Variants in SMC5 observed in about 807,000 individuals in gnomAD.
SMC5 encodes the protein structural maintenance of chromosomes 5.
In SMC5, 88 loss-of-function variants were observed where a neutral mutation model predicts 148.3. The ratio of observed to expected loss-of-function variants is 0.59; its 90% CI spans 0.50 to 0.71. The LOEUF (loss-of-function observed/expected upper bound fraction) is 0.71. Ranked by LOEUF, SMC5 falls within the 30% of genes least tolerant of loss-of-function variation. The pLI, the probability that SMC5 is intolerant of heterozygous loss-of-function variation, is 0.00. For synonymous variants in SMC5, 421 were observed against 432.8 expected (o/e 0.97, Z 0.34); for missense variants, 1,142 against 1,298.9 (o/e 0.88, Z 1.86).
intron 11 of SMC5, among the ~76,000 whole-genome samples, chr9:70,306,453 A>G (rs2118483116): frequency 6.6e-6 from 1 of 152,352 alleles, no homozygotes; most frequent in South Asian, 2.1e-4. Context: ...GTATAAAATT[A>G]TACAATGGAC....
chr9:70,288,855 TTTA>T (rs1281373578), intron 8 of SMC5, among the ~76,000 whole-genome samples: 1 of 152,094 alleles, frequency 6.6e-6, no homozygotes, highest in Non-Finnish European at 1.5e-5. Context: ...TTTTTTGGCT[TTTA>T]TTGTGTGTTT....
rs2035871285 is a variant in SMC5 at position 70,318,700 on chromosome 9, G to T, written c.1980+13G>T. 1 of 1,574,826 alleles carries T rather than the reference G, an allele frequency of 6.3e-7. No homozygotes were observed. The highest frequency in any genetic ancestry group is 8.6e-7 in the Non-Finnish European group (1 of 1,165,018). On this transcript the variant is annotated intron_variant, in intron 14 of 24. Coordinates refer to ENST00000361138, the MANE Select transcript of SMC5 (RefSeq NM_015110.4). The stretch of plus-strand genomic sequence containing the variant: ...AGAACAGCTAAAGGTTGGTTAATTT[G>T]ATCTGAATGTTAGAAAAGAATATTA...
rs2034652949 is a variant in SMC5 at position 70,278,365 on chromosome 9, A to G, written c.544-126A>G. On this transcript the variant is annotated intron_variant, in intron 4 of 24. Transcript: ENST00000361138. Reference sequence around the variant, plus strand: ...ATTATTCTAAAGAATAATGCACAAAAGGTTTATATCTCAAATGTTTTTTTT... The same window carrying G: ...ATTATTCTAAAGAATAATGCACAAAGGGTTTATATCTCAAATGTTTTTTTT... 2.2e-5 allele frequency: 18 copies of G among 826,514 alleles called. No individual in the cohort carries two copies. In the South Asian group the frequency reaches 3.0e-4, roughly 14 times the overall value. The allele number at this position is 826,514 out of a possible 1,614,324, so 51.2% of individuals were successfully genotyped here.
At position 70,278,472 on chromosome 9, in the gene SMC5, T is replaced by C. The variant is rs760359349; in HGVS notation, c.544-19T>C. ...TGTAAATGAATGATAGTTGCTGATA[T>C]TTAATTTTTGTGCTCTAGGACAAAG... On this transcript the variant is annotated intron_variant, in intron 4 of 24. Coordinates refer to ENST00000361138, the MANE Select transcript of SMC5 (RefSeq NM_015110.4). 1.4e-5 allele frequency: 22 copies of C among 1,599,474 alleles called. No homozygotes were observed. The highest frequency in any genetic ancestry group is 1.6e-5 in the Non-Finnish European group (19 of 1,176,238).
intron 7 of SMC5, among the ~76,000 whole-genome samples, chr9:70,285,979 A>G (rs1047187919): frequency 4.6e-5 from 7 of 152,224 alleles, no homozygotes; most frequent in African/African-American, 1.7e-4. Context: ...ATGTAAAGAG[A>G]AAAAACATGC....
chr9:70,336,747 T>TA (rs560200141), intron 17 of SMC5, among the ~76,000 whole-genome samples: 1 of 152,198 alleles, frequency 6.6e-6, no homozygotes, highest in Non-Finnish European at 1.5e-5. Context: ...AATGTTGTTA[T>TA]AAAAGAGGTT....
chr9:70,297,845 C>T (rs1263500778), intron 8 of SMC5, 121 bp from the exon 9 acceptor site: 3 of 1,125,516 alleles, frequency 2.7e-6, no homozygotes, highest in Non-Finnish European at 3.8e-6. Context: ...TCACAGGACA[C>T]CTTTTAGTGA....
At chr9:70,329,313 C>G (rs902297101) in intron 17 of SMC5, among the ~76,000 whole-genome samples, 1 of 152,192 alleles carries the variant, frequency 6.6e-6, no homozygotes, top group African/African-American at 2.4e-5. Flanking sequence ...TTTTAAAGTT[C>G]TAGTTTCAGG....
At chr9:70,308,654 A>T (rs1007970303) in intron 11 of SMC5, among the ~76,000 whole-genome samples, 2 of 150,210 alleles carry the variant, frequency 1.3e-5, no homozygotes, top group African/African-American at 4.9e-5. Flanking sequence ...AAATTCCTCT[A>T]TCCCACCGTG....
intron 21 of SMC5, 61 bp downstream of exon 21, chr9:70,347,778 TAATGGAA>T: frequency 1.6e-6 from 2 of 1,274,780 alleles, no homozygotes; most frequent in Non-Finnish European, 2.2e-6. Flanking sequence ...GAATGTAGAA[TAATGGAA>T]AATGAGATGA....
Position 70,314,817 on chromosome 9 carries a change from A to G in SMC5, c.1654A>G (p.Arg552Gly), listed in dbSNP as rs1408123722. 3.2e-6 allele frequency: 5 copies of G among 1,555,688 alleles called. No individual in the cohort carries two copies. Among genetic ancestry groups the G allele is most frequent in the African/African-American group, 2.7e-5 (2 of 72,828 alleles). The change falls in exon 12 of 25, where the codon AGA (arginine) becomes GGA (glycine). Residue 552 changes from arginine to glycine, a missense_variant. This residue lies in a region of SMC5 where 743 missense variants were observed against 835.7 expected (regional missense o/e 0.89). Transcript: ENST00000361138. ...TTCATATGCAGACAAAGCACCTTCA[A>G]GATCTTTGAATGAACTTAAGTAAGT... ...KSSYADKAPS[R>G]SLNELKQYGF...
rs528477942 is a variant in SMC5, at chr9:70,302,346, T to C, written c.1464+2146T>C. 2.6e-5 allele frequency among the ~76,000 whole-genome samples: 4 copies of C among 152,100 alleles called. No homozygotes were observed. In the South Asian group the frequency reaches 8.3e-4, roughly 32 times the overall value. ...CCATCTCTACTAAAAATATAAAAAT[T>C]AGCTTGGCATGGTGGCACGTGCCTG... On this transcript the variant is annotated intron_variant, in intron 10 of 24. Transcript: ENST00000361138.
intron 17 of SMC5, among the ~76,000 whole-genome samples, chr9:70,338,624 C>T (rs2036429063): frequency 6.6e-6 from 1 of 152,160 alleles, no homozygotes; most frequent in Non-Finnish European, 1.5e-5. Flanking sequence ...CTAATGTCTA[C>T]TTCCAACTTC....
At chr9:70,350,818 C>A (rs1436646702) in intron 24 of SMC5, among the ~76,000 whole-genome samples, 1 of 152,170 alleles carries the variant, frequency 6.6e-6, no homozygotes, top group Non-Finnish European at 1.5e-5. Context: ...ACTGCCCTTC[C>A]TCTTTATTTG....
At position 70,259,223 on chromosome 9, in the gene SMC5, G is replaced by A; in HGVS notation, c.145G>A (p.Val49Met). The A allele has an allele frequency of 6.2e-7, 1 of 1,603,966 alleles. No individual in the cohort carries two copies. ...LPLLQSSGPF[V>M]EGSIVRISME... ...GCTGTTGCAGTCGTCCGGGCCTTTC[G>A]TGGAAGGCTCTATCGTCCGCATCTC... Residue 49 changes from valine to methionine, a missense_variant, in exon 1 of 25, where the codon GTG becomes ATG. Coordinates refer to ENST00000361138, the MANE Select transcript of SMC5 (RefSeq NM_015110.4).
chr9:70,298,018 G>A lies in SMC5; in HGVS notation c.1106G>A (p.Arg369Gln), dbSNP rs2035249313. 9 of 1,613,922 alleles carry A rather than the reference G, an allele frequency of 5.6e-6. No homozygotes were observed. The highest frequency in any genetic ancestry group is 4.5e-5 in the East Asian group (2 of 44,864). The part of the protein sequence containing the change: ...LIVKQNEELD[R>Q]QRRIGNTRKM... ...GTAAAGCAAAATGAAGAGCTTGACC[G>A]ACAGAGGAGAATAGGTAATACCCGC... Residue 369 changes from arginine to glutamine, a missense_variant, in exon 9 of 25, where the codon CGA becomes CAA. Transcript: ENST00000361138.
intron 11 of SMC5, among the ~76,000 whole-genome samples, chr9:70,305,652 A>T (rs1048904935): frequency 6.6e-6 from 1 of 152,262 alleles, no homozygotes; most frequent in African/African-American, 2.4e-5. Context: ...ACAAAACATA[A>T]TGATGGACCT....
rs536899495 is a variant in SMC5 at position 70,278,139 on chromosome 9, G to A, written c.544-352G>A. 2.6e-5 allele frequency among the ~76,000 whole-genome samples: 4 copies of A among 151,988 alleles called. No individual in the cohort carries two copies. In the East Asian group the frequency reaches 7.7e-4, roughly 29 times the overall value. On this transcript the variant is annotated intron_variant, in intron 4 of 24. Transcript: ENST00000361138. The stretch of plus-strand genomic sequence containing the variant: ...TCTCCAGAAGTAGATGTTTGAAATT[G>A]CCTTTTTTTTTCCTTTTTAAACCCT...
chr9:70,303,544 T>G (rs1417002101), intron 10 of SMC5, among the ~76,000 whole-genome samples: 1 of 152,224 alleles, frequency 6.6e-6, no homozygotes, highest in Non-Finnish European at 1.5e-5. Context: ...GTTTTCTCAT[T>G]TTTCTATACT....
Sources: allele counts gnomAD v4.1 joint callset (sites outside exome capture counted in the v4.1 genomes callset), GRCh38; gene constraint gnomAD v4.1.1; regional missense constraint gnomAD v4.1.1; transcripts MANE v1.5; gene names NCBI Gene and HGNC (gene_info 2026-07-23, HGNC 2026-07-21).